Variants in DGAT1 observed in about 807,000 individuals in gnomAD.
DGAT1 encodes the protein ACAT related gene product 1.
In DGAT1, 60 loss-of-function variants were observed where a neutral mutation model predicts 72.6. That is an observed-to-expected ratio of 0.83 (90% confidence interval 0.67 to 1.02). The LOEUF (loss-of-function observed/expected upper bound fraction) is 1.02. Among genes scored for constraint, DGAT1 ranks in the 50% least tolerant of loss-of-function variants. DGAT1 has a pLI of 0.00. For synonymous variants in DGAT1, 290 were observed against 267.5 expected, an observed-to-expected ratio of 1.08 and a Z score of -0.82; for missense variants, 592 against 670.0, an observed-to-expected ratio of 0.88 and a Z score of 1.29.
chr8:144,317,884 C>T, intron 9 of DGAT1, 30 bp downstream of exon 9: 1 of 1,552,098 alleles, frequency 6.4e-7, no homozygotes, highest in Admixed American at 1.9e-5. Flanking sequence ...CCCCTAGCCT[C>T]CAGTGGCTGC....
At chr8:144,323,826 G>A (rs1196959574) in intron 1 of DGAT1, among the ~76,000 whole-genome samples, 1 of 152,202 alleles carries the variant, frequency 6.6e-6, no homozygotes, top group Non-Finnish European at 1.5e-5. Context: ...CCCACACTTG[G>A]GGCCCACACA....
Position 144,315,415 on chromosome 8 carries a change from C to T in DGAT1, c.*1139G>A, listed in dbSNP as rs1229861375. On this transcript the variant is annotated 3_prime_UTR_variant, in exon 17 of 17. Coordinates refer to ENST00000528718, the MANE Select transcript of DGAT1 (RefSeq NM_012079.6). ...AGTTCAGCAGGTTGCTGATGAGGCC[C>T]CTGGTGCAGTCCTGGGACCCTGTGC... The T allele has an allele frequency of 1.0e-6, 1 of 985,518 alleles. No homozygotes were observed. The highest frequency in any genetic ancestry group is 1.7e-5 in the African/African-American group (1 of 57,360). 61.0% of individuals were successfully genotyped at this position (985,518 alleles called of 1,614,324 possible).
intron 1 of DGAT1, among the ~76,000 whole-genome samples, chr8:144,324,928 G>A (rs1159264925): frequency 1.3e-5 from 2 of 152,154 alleles, no homozygotes; most frequent in Non-Finnish European, 2.9e-5. Context: ...TTAGCCGGGT[G>A]TGGTGGGCGC....
In DGAT1 at chr8:144,318,851, G is replaced by A. The variant is rs1817350262; in HGVS notation, c.399C>T (p.Ala133=). 4.3e-6 allele frequency: 7 copies of A among 1,612,386 alleles called. No individual in the cohort carries two copies. Among genetic ancestry groups the A allele is most frequent in the Non-Finnish European group, 5.9e-6 (7 of 1,179,254 alleles). The change falls in exon 4 of 17, where the codon GCC becomes GCT. Residue 133 remains alanine, a synonymous_variant. Coordinates refer to ENST00000528718, the MANE Select transcript of DGAT1 (RefSeq NM_012079.6). The stretch of plus-strand genomic sequence containing the variant: ...CCAGCTCACCAATAACCAGGCATGG[G>A]GCGGGCCAGCTATAGGGATCCTTCA... ...LFLKDPYSWP[A]PCLVIAANVF... is the part of the protein sequence containing the mutation.
chr8:144,316,904 G>A lies in DGAT1; in HGVS notation c.1260C>T (p.Ser420=), dbSNP rs372051069. Residue 420 remains serine, a synonymous_variant, in exon 16 of 17, where the codon AGC becomes AGT. Coordinates refer to ENST00000528718, the MANE Select transcript of DGAT1 (RefSeq NM_012079.6). ...ASAFFHEYLV[S]VPLRMFRLWA... Reference sequence around the variant, plus strand: ...AGAGGCGGAACATTCGCAGAGGGACGCTCACCAGGTACTGAGATGGGAGGG... The same window carrying A: ...AGAGGCGGAACATTCGCAGAGGGACACTCACCAGGTACTGAGATGGGAGGG... 17 of 1,612,196 alleles carry A rather than the reference G, an allele frequency of 1.1e-5. No individual in the cohort carries two copies. The highest frequency in any genetic ancestry group is 1.6e-4 in the Middle Eastern group (1 of 6,084).
In DGAT1 at chr8:144,317,255, G is replaced by A. The variant is rs7823151; in HGVS notation, c.1095-3C>T. On this transcript the variant is annotated splice_polypyrimidine_tract_variant and splice_region_variant and intron_variant, in intron 13 of 16. Transcript: ENST00000528718. Reference sequence around the variant, plus strand: ...AGTAGGTGACAGACTCGGAGTTCCTGGGGGCCAAGAGACCACAGGGGGATC... The same window carrying A: ...AGTAGGTGACAGACTCGGAGTTCCTAGGGGCCAAGAGACCACAGGGGGATC... 4 of 1,610,430 alleles carry A rather than the reference G, an allele frequency of 2.5e-6. No individual in the cohort carries two copies. Among genetic ancestry groups the A allele is most frequent in the South Asian group, 1.1e-5 (1 of 90,976 alleles).
In DGAT1 at chr8:144,317,382, C is replaced by A. The variant is rs372199680; in HGVS notation, c.1045G>T (p.Val349Leu). ...TCTCCAAACTGCATGAGCTCAGCCA[C>A]GGCATTCAGGCAGGAGTGGAAGAGC... is the stretch of plus-strand genomic sequence containing the variant. ...YWLFHSCLNA[V>L]AELMQFGDRE... The change falls in exon 13 of 17, where the codon GTG becomes TTG. Residue 349 changes from valine (V) to leucine (L), a missense_variant. Val to Leu is a conservative substitution (Grantham distance 32). Coordinates refer to ENST00000528718, the MANE Select transcript of DGAT1 (RefSeq NM_012079.6). 1 of 1,613,788 alleles carries A rather than the reference C, an allele frequency of 6.2e-7. No individual in the cohort carries two copies. Among genetic ancestry groups the A allele is most frequent in the South Asian group, 1.1e-5 (1 of 91,082 alleles).
Position 144,315,829 on chromosome 8 carries a change from C to G in DGAT1, c.*725G>C. ...AAAGAGGCTGCCAAACCGAGCCCTG[C>G]CCCAAGGCGAATAGCCATGGACATA... On this transcript the variant is annotated 3_prime_UTR_variant, in exon 17 of 17. Coordinates refer to ENST00000528718, the MANE Select transcript of DGAT1 (RefSeq NM_012079.6). 1.0e-6 allele frequency: 1 copy of G among 983,636 alleles called. No homozygotes were observed. The highest frequency in any genetic ancestry group is 1.2e-6 in the Non-Finnish European group (1 of 828,244). The allele number at this position is 983,636 out of a possible 1,614,324, so 60.9% of individuals were successfully genotyped here.
At position 144,316,031 on chromosome 8, in the gene DGAT1, G is replaced by A. The variant is rs781937706; in HGVS notation, c.*523C>T. On this transcript the variant is annotated 3_prime_UTR_variant, in exon 17 of 17. Coordinates refer to ENST00000528718, the MANE Select transcript of DGAT1 (RefSeq NM_012079.6). Reference sequence around the variant, plus strand: ...GTTGACCATCCTGCACTGAGGGCCAGAGTGCCGATTCCCGCACACCCAGCA... The same window carrying A: ...GTTGACCATCCTGCACTGAGGGCCAAAGTGCCGATTCCCGCACACCCAGCA... 66 of 715,198 alleles carry A rather than the reference G, an allele frequency of 9.2e-5. No individual in the cohort carries two copies. The highest frequency in any genetic ancestry group is 1.1e-4 in the Non-Finnish European group (63 of 581,514). The allele number at this position is 715,198 out of a possible 1,614,324, so 44.3% of individuals were successfully genotyped here. A position where few individuals can be genotyped will look rare whatever the true frequency, so the allele number is the denominator to read the frequency against.
In DGAT1 at chr8:144,316,677, G is replaced by A. The variant is rs140874999; in HGVS notation, c.1344C>T (p.Phe448=). The stretch of plus-strand genomic sequence containing the variant: ...CAGCTGCGTTGCCATAGTTGCCCTG[G>A]AAAAAGCGGCCCACGAACCAGGCCA... ...IPLAWFVGRF[F]QGNYGNAAVW... Residue 448 remains phenylalanine, a synonymous_variant, in exon 17 of 17, where the codon TTC becomes TTT. Transcript: ENST00000528718. 20 of 1,612,104 alleles carry A rather than the reference G, an allele frequency of 1.2e-5. 1 individual carries two copies. Among genetic ancestry groups the A allele is most frequent in the Non-Finnish European group, 1.6e-5 (19 of 1,179,678 alleles).
intron 1 of DGAT1, among the ~76,000 whole-genome samples, chr8:144,323,732 G>A (rs1817522030): frequency 6.6e-6 from 1 of 152,194 alleles, no homozygotes; most frequent in Admixed American, 6.5e-5. Flanking sequence ...CAGTCTCACG[G>A]CAACACTGAG....
At position 144,318,300 on chromosome 8, in the gene DGAT1, C is replaced by T. The variant is rs782137876; in HGVS notation, c.637G>A (p.Asp213Asn). The T allele has an allele frequency of 6.8e-6, 11 of 1,612,724 alleles. No individual in the cohort carries two copies. Among genetic ancestry groups the T allele is most frequent in the South Asian group, 4.4e-5 (4 of 91,066 alleles). ...GCCCTGCGGCACCATGAGTTGACGT[C>T]GCGGTAGGAGAAGAGCTTGAGGAAG... ...ILFLKLFSYR[D>N]VNSWCRRARA... The change falls in exon 7 of 17, where the codon GAC (aspartate) becomes AAC (asparagine). Residue 213 changes from aspartate to asparagine, a missense_variant. Asp to Asn is a conservative substitution (Grantham distance 23). Transcript: ENST00000528718.
At position 144,324,798 on chromosome 8, in the gene DGAT1, T is replaced by G. The variant is rs541563508; in HGVS notation, c.200+1639A>C. Among the ~76,000 whole-genome samples the G allele has an allele frequency of 1.7e-4, 26 of 152,224 alleles. 1 individual carries two copies. The highest frequency in any genetic ancestry group is 6.0e-4 in the African/African-American group (25 of 41,542). ...AATCTCAATTCCCGGCCGGGCGCGG[T>G]GGCTCACACCTGTAATCCCAGCACT... is the stretch of plus-strand genomic sequence containing the variant. On this transcript the variant is annotated intron_variant, in intron 1 of 16. Coordinates refer to ENST00000528718, the MANE Select transcript of DGAT1 (RefSeq NM_012079.6).
chr8:144,318,504 A>T lies in DGAT1; in HGVS notation c.531T>A (p.Cys177Ter). The T allele has an allele frequency of 6.2e-7, 1 of 1,611,856 alleles. No individual in the cohort carries two copies. ...CCAGTAAGACCACAGCCGCTGGGAA[A>T]CACAGAATGGTGGCCAGGTTGGCCA... ...LHVANLATIL[C>*]FPAAVVLLVE... The change falls in exon 6 of 17, where the codon TGT becomes TGA. Residue 177 changes from cysteine (C) to a stop codon, truncating the protein, a stop_gained. Coordinates refer to ENST00000528718, the MANE Select transcript of DGAT1 (RefSeq NM_012079.6). LOFTEE classifies it high-confidence loss of function.
Position 144,315,054 on chromosome 8 carries a change from C to T in DGAT1, c.*1500G>A, listed in dbSNP as rs1041907424. 3.8e-5 allele frequency: 37 copies of T among 985,212 alleles called. No homozygotes were observed. Among genetic ancestry groups the T allele is most frequent in the Middle Eastern group, 1.0e-3 (2 of 1,936 alleles). 61.0% of individuals were successfully genotyped at this position (985,212 alleles called of 1,614,324 possible). On this transcript the variant is annotated 3_prime_UTR_variant, in exon 17 of 17. Transcript: ENST00000528718. ...CCAGAGCCAGCACCCTGTGTAGGCA[C>T]GGGGAACGGGAGCCTGTCCCGTAGC...
At position 144,316,883 on chromosome 8, in the gene DGAT1, G is replaced by A. The variant is rs1200860302; in HGVS notation, c.1281C>T (p.Arg427=). Residue 427 remains arginine, a synonymous_variant, in exon 16 of 17, where the codon CGC becomes CGT. Transcript: ENST00000528718. ...YLVSVPLRMF[R]LWAFTGMMAQ... Reference sequence around the variant, plus strand: ...CCATCATGCCCGTGAACGCCCAGAGGCGGAACATTCGCAGAGGGACGCTCA... The same window carrying A: ...CCATCATGCCCGTGAACGCCCAGAGACGGAACATTCGCAGAGGGACGCTCA... 6.2e-7 allele frequency: 1 copy of A among 1,611,810 alleles called. No homozygotes were observed. The highest frequency in any genetic ancestry group is 2.2e-5 in the East Asian group (1 of 44,848).
Position 144,316,410 on chromosome 8 carries a change from C to T in DGAT1, c.*144G>A. 9.5e-7 allele frequency: 1 copy of T among 1,052,156 alleles called. No homozygotes were observed. The allele number at this position is 1,052,156 out of a possible 1,614,324, so 65.2% of individuals were successfully genotyped here. On this transcript the variant is annotated 3_prime_UTR_variant, in exon 17 of 17. Coordinates refer to ENST00000528718, the MANE Select transcript of DGAT1 (RefSeq NM_012079.6). Reference sequence around the variant, plus strand: ...TCCCTGAGGGGTGCAGGACAGAGCCCCATAGGGGCAGAGAGGCCTCCCTGG... The same window carrying T: ...TCCCTGAGGGGTGCAGGACAGAGCCTCATAGGGGCAGAGAGGCCTCCCTGG...
rs1379975440 is a variant in DGAT1, at chr8:144,316,251, A to AC, written c.*302dup. On this transcript the variant is annotated 3_prime_UTR_variant, in exon 17 of 17. Coordinates refer to ENST00000528718, the MANE Select transcript of DGAT1 (RefSeq NM_012079.6). ...CACTCGCCCTTGTGGGTGTGGCCAT[A>AC]CCCCCCACCAGGCCCCAGGCCCCTG... The AC allele has an allele frequency of 2.8e-6, 1 of 363,078 alleles. No homozygotes were observed. Among genetic ancestry groups the AC allele is most frequent in the Non-Finnish European group, 5.1e-6 (1 of 197,428 alleles). 22.5% of individuals were successfully genotyped at this position (363,078 alleles called of 1,614,324 possible).
intron 6 of DGAT1, 26 bp from the exon 7 acceptor site, chr8:144,318,388 C>A: frequency 6.2e-7 from 1 of 1,609,132 alleles, no homozygotes; most frequent in Non-Finnish European, 8.5e-7. Flanking sequence ...ACTCAGGCCT[C>A]CACAGCGCCA....
Sources: allele counts gnomAD v4.1 joint callset (sites outside exome capture counted in the v4.1 genomes callset), GRCh38; gene constraint gnomAD v4.1.1; transcripts MANE v1.5; gene names NCBI Gene and HGNC (gene_info 2026-07-23, HGNC 2026-07-21).